Variants in ACACA observed in about 807,000 individuals in gnomAD.
ACACA encodes acetyl-CoA carboxylase alpha.
In ACACA, 103 loss-of-function variants were observed where a neutral mutation model predicts 296.1. The ratio of observed to expected loss-of-function variants is 0.35; its 90% CI spans 0.30 to 0.41. The LOEUF is 0.41. Among genes scored for constraint, ACACA ranks in the 10% least tolerant of loss-of-function variants. The pLI is 1.00. For synonymous variants in ACACA, 953 were observed against 1,038.6 expected, an observed-to-expected ratio of 0.92 and a Z score of 1.58; for missense variants, 1,554 against 2,989.7, an observed-to-expected ratio of 0.52 and a Z score of 11.20.
At chr17:37,143,248 T>C (rs556984408) in intron 45 of ACACA, among the ~76,000 whole-genome samples, 64 of 151,832 alleles carry the variant, frequency 4.2e-4, no homozygotes, top group African/African-American at 1.3e-3. Context: ...GTAATTTACT[T>C]AGAAGCATTC....
chr17:37,204,510 A>C (rs1316271951), intron 33 of ACACA, among the ~76,000 whole-genome samples: 2 of 152,218 alleles, frequency 1.3e-5, no homozygotes, highest in East Asian at 1.9e-4. Context: ...TAAGATGCAA[A>C]TAAAAAATTT....
At chr17:37,229,437 G>A (rs2079733257) in intron 25 of ACACA, among the ~76,000 whole-genome samples, 1 of 151,572 alleles carries the variant, frequency 6.6e-6, no homozygotes, top group Non-Finnish European at 1.5e-5. Flanking sequence ...CCGAGTACCT[G>A]GGACTACAGG....
intron 36 of ACACA, 35 bp downstream of exon 36, chr17:37,193,337 ATT>A (rs35977079): frequency 6.2e-6 from 8 of 1,291,706 alleles, no homozygotes; most frequent in African/African-American, 2.9e-5. Flanking sequence ...AGAAAAAGTA[ATT>A]TTTTTTTTTA....
intron 1 of ACACA, chr17:37,376,251 C>A (rs1035955482): frequency 8.3e-6 from 8 of 969,184 alleles, no homozygotes; most frequent in Non-Finnish European, 1.1e-5. Context: ...TGATATCCAG[C>A]AAGCAATACT....
intron 1 of ACACA, among the ~76,000 whole-genome samples, chr17:37,347,775 A>C (rs1408376061): frequency 6.6e-6 from 1 of 151,844 alleles, no homozygotes; most frequent in East Asian, 1.9e-4. Context: ...AAAGAAAAAA[A>C]ATTTTTTAAC....
At chr17:37,183,741 G>A (rs1259838596) in intron 39 of ACACA, among the ~76,000 whole-genome samples, 1 of 150,710 alleles carries the variant, frequency 6.6e-6, no homozygotes, top group African/African-American at 2.4e-5. Flanking sequence ...GCAGTGAGCC[G>A]AGATCGTGCT....
intron 29 of ACACA, among the ~76,000 whole-genome samples, chr17:37,219,914 GATTTT>G (rs1349527513): frequency 6.6e-6 from 1 of 151,646 alleles, no homozygotes; most frequent in African/African-American, 2.4e-5. Flanking sequence ...TCACAAAGAT[GATTTT>G]ATTTTTCCTT....
At chr17:37,182,373 AT>A (rs765118322) in intron 39 of ACACA, among the ~76,000 whole-genome samples, 21 of 151,828 alleles carry the variant, frequency 1.4e-4, no homozygotes, top group Non-Finnish European at 3.1e-4. Context: ...ATATACATGT[AT>A]TTACTTCTCC....
intron 54 of ACACA, 40 bp from the exon 55 acceptor site, chr17:37,089,114 G>A (rs2072432228): frequency 1.9e-6 from 3 of 1,613,830 alleles, no homozygotes; most frequent in Non-Finnish European, 2.5e-6. Flanking sequence ...CAGGGGTCAG[G>A]CCAGGCCGGG....
chr17:37,271,014 A>G (rs2082043205), intron 9 of ACACA, among the ~76,000 whole-genome samples, 153 bp from the exon 10 acceptor site: 2 of 152,238 alleles, frequency 1.3e-5, no homozygotes, highest in South Asian at 4.1e-4. Context: ...GAAAAAATAA[A>G]TAGTAGAACA....
At chr17:37,182,772 T>G (rs1472685193) in intron 39 of ACACA, among the ~76,000 whole-genome samples, 1 of 152,192 alleles carries the variant, frequency 6.6e-6, no homozygotes, top group African/African-American at 2.4e-5. Context: ...CTGATATATA[T>G]GCACAGGAAT....
At chr17:37,197,358 G>C (rs2078050263) in intron 35 of ACACA, among the ~76,000 whole-genome samples, 1 of 152,158 alleles carries the variant, frequency 6.6e-6, no homozygotes, top group African/African-American at 2.4e-5. Flanking sequence ...CAATGTGCTT[G>C]AATCAAACTT....
chr17:37,268,654 A>G (rs1025858193), intron 10 of ACACA, among the ~76,000 whole-genome samples: 2 of 151,438 alleles, frequency 1.3e-5, no homozygotes, highest in African/African-American at 4.9e-5. Flanking sequence ...TGTTAGCCCC[A>G]TAATTCTTCA....
intron 3 of ACACA, 30 bp downstream of exon 3, chr17:37,330,143 A>AAT: frequency 6.2e-7 from 1 of 1,613,296 alleles, no homozygotes; most frequent in South Asian, 1.1e-5. Flanking sequence ...AAGACAGATT[A>AAT]AATAAGTAGA....
At chr17:37,246,056 C>A (rs80315639) in intron 19 of ACACA, among the ~76,000 whole-genome samples, 5 of 151,750 alleles carry the variant, frequency 3.3e-5, no homozygotes, top group Non-Finnish European at 7.4e-5. Context: ...TCTTCCCTGC[C>A]CTTCTTCACC....
intron 3 of ACACA, among the ~76,000 whole-genome samples, chr17:37,310,770 GGCAACAGA>G (rs2084092576): frequency 6.9e-6 from 1 of 144,748 alleles, no homozygotes; most frequent in Non-Finnish European, 1.5e-5. Flanking sequence ...CTCTACCCTG[GGCAACAGA>G]GCGAGACACC....
Position 37,192,206 on chromosome 17 carries a change from C to A in ACACA, c.4300G>T (p.Ala1434Ser). 6.2e-7 allele frequency: 1 copy of A among 1,614,028 alleles called. No individual in the cohort carries two copies. The highest frequency in any genetic ancestry group is 1.1e-5 in the South Asian group (1 of 91,048). ...AGATACAGGTGCATCTTGTGATTAG[C>A]ACATGGAATGGCAGTGAGGTCAAAA... ...RNFDLTAIPC[A>S]NHKMHLYLGA... Residue 1434 changes from alanine to serine, a missense_variant, in exon 37 of 56, where the codon GCT becomes TCT. This residue lies in a region of ACACA where 179 missense variants were observed against 283.2 expected (regional missense o/e 0.63). Coordinates refer to ENST00000616317, the MANE Select transcript of ACACA (RefSeq NM_198834.3).
chr17:37,291,122 T>A, intron 3 of ACACA, among the ~76,000 whole-genome samples: 2 of 119,316 alleles, frequency 1.7e-5, no homozygotes, highest in African/African-American at 3.7e-5. Flanking sequence ...CTAACACTAA[T>A]GATAGCTGAT....
chr17:37,231,105 G>C (rs1178715513), intron 25 of ACACA, among the ~76,000 whole-genome samples: 1 of 152,146 alleles, frequency 6.6e-6, no homozygotes, highest in Admixed American at 6.5e-5. Flanking sequence ...TGGGCACAGT[G>C]GCTCATGCCT....
Sources: gnomAD v4.1 joint callset for allele counts (sites outside exome capture counted in the v4.1 genomes callset) on GRCh38, gnomAD v4.1.1 for gene constraint, gnomAD v4.1.1 regional missense constraint, MANE v1.5 for transcripts, NCBI Gene and HGNC (gene_info 2026-07-23, HGNC 2026-07-21) for gene names.